The following LRRC9 variants were observed in gnomAD, a reference collection of about 807,000 sequenced individuals.
LRRC9 encodes the protein leucine-rich repeat-containing protein 9.
Under a neutral mutation model 63.2 loss-of-function variants are expected in LRRC9, and 122 were observed. The observed-to-expected ratio is 1.93, with a 90% CI of 1.67 to 2.24. LRRC9 has a LOEUF of 2.24. LRRC9 is among the 30% of genes most tolerant of loss of function. LRRC9 has a pLI of 0.00. For missense variants in LRRC9, 1,071 were observed against 627.7 expected (o/e 1.71, Z -7.55); for synonymous variants, 366 against 213.1 (o/e 1.72, Z -6.25).
In LRRC9 at chr14:59,978,148, T is replaced by C; in HGVS notation, c.1878+16T>C. On this transcript the variant is annotated intron_variant, in intron 15 of 31. Transcript: ENST00000445360. ...TATTACAATGGTATGAATTGTTACA[T>C]ATTCTTAAAGACTAATTCTAATTCC... 2 of 700,426 alleles carry C rather than the reference T, an allele frequency of 2.9e-6. No homozygotes were observed. Among genetic ancestry groups the C allele is most frequent in the Non-Finnish European group, 2.6e-6 (1 of 383,754 alleles). The allele number at this position is 700,426 out of a possible 1,614,324, so 43.4% of individuals were successfully genotyped here.
chr14:60,063,615 T>C, downstream of LRRC9: 1 of 397,126 alleles, frequency 2.5e-6, no homozygotes. Context: ...AATCATCAAC[T>C]ATTACATCAG....
At chr14:59,956,817 A>C (rs1883805161) in intron 8 of LRRC9, among the ~76,000 whole-genome samples, 1 of 152,078 alleles carries the variant, frequency 6.6e-6, no homozygotes, top group Admixed American at 6.6e-5. Context: ...CTTGTAAGGC[A>C]GGCCTGGTGG....
chr14:59,999,609 T>C (rs1374318934), intron 19 of LRRC9, among the ~76,000 whole-genome samples: 1 of 152,018 alleles, frequency 6.6e-6, no homozygotes, highest in Non-Finnish European at 1.5e-5. Context: ...ATTAACATTA[T>C]ATTTGTTTGG....
chr14:60,047,342 C>T (rs1214336754), intron 29 of LRRC9, among the ~76,000 whole-genome samples: 3 of 151,998 alleles, frequency 2.0e-5, no homozygotes, highest in Non-Finnish European at 2.9e-5. Flanking sequence ...GACATGACAA[C>T]TTGTCTTATG....
rs1890149197 is a variant in LRRC9 at position 59,936,460 on chromosome 14, C to G, written c.544-1930C>G. 6.6e-6 allele frequency among the ~76,000 whole-genome samples: 1 copy of G among 152,036 alleles called. No individual in the cohort carries two copies. The highest frequency in any genetic ancestry group is 2.4e-5 in the African/African-American group (1 of 41,400). ...TTCTGTGCCCACCTTCCAACCATAC[C>G]AGGCACCAGAGCACTAATTTTCAGT... On this transcript the variant is annotated intron_variant, in intron 6 of 31. Transcript: ENST00000445360. The surrounding 1 kb of genome is among the most constrained non-coding windows in gnomAD (Gnocchi z 4.2).
At chr14:60,023,031 T>G (rs1891235674) in intron 27 of LRRC9, among the ~76,000 whole-genome samples, 161 bp downstream of exon 27, 1 of 151,994 alleles carries the variant, frequency 6.6e-6, no homozygotes, top group African/African-American at 2.4e-5. Flanking sequence ...TTACTTACAT[T>G]TTTTAGAAAC....
chr14:59,935,552 G>A (rs773654710), intron 6 of LRRC9, among the ~76,000 whole-genome samples: 29 of 152,148 alleles, frequency 1.9e-4, no homozygotes, highest in Non-Finnish European at 3.2e-4. Flanking sequence ...AATGTGAAAT[G>A]TGCATAAAGC....
intron 17 of LRRC9, among the ~76,000 whole-genome samples, chr14:59,988,220 T>C (rs902041683): frequency 2.0e-5 from 3 of 152,192 alleles, no homozygotes; most frequent in African/African-American, 7.2e-5. Context: ...GAAACCTTAG[T>C]TTCTTTTAGA....
chr14:59,999,772 T>G (rs909863796), intron 19 of LRRC9, among the ~76,000 whole-genome samples: 11 of 152,116 alleles, frequency 7.2e-5, no homozygotes, highest in African/African-American at 2.7e-4. Context: ...TATCTGAATA[T>G]TAATTCCTTA....
intron 17 of LRRC9, among the ~76,000 whole-genome samples, chr14:59,993,164 C>T (rs1888351181): frequency 6.6e-6 from 1 of 152,164 alleles, no homozygotes. Context: ...ATTCAACATT[C>T]TTAAAGAAAA....
intron 29 of LRRC9, among the ~76,000 whole-genome samples, chr14:60,035,383 GT>G (rs1249000680): frequency 6.6e-6 from 1 of 152,034 alleles, no homozygotes; most frequent in African/African-American, 2.4e-5. Context: ...TTTTGCTTTG[GT>G]TGCCTGTGCT....
At chr14:60,049,894 A>T (rs1214244503) in intron 29 of LRRC9, among the ~76,000 whole-genome samples, 1 of 152,170 alleles carries the variant, frequency 6.6e-6, no homozygotes, top group African/African-American at 2.4e-5. Flanking sequence ...AGGTACCCCA[A>T]TCAGTCATAG....
At chr14:60,038,607 CATTG>C (rs1892662443) in intron 29 of LRRC9, among the ~76,000 whole-genome samples, 1 of 152,156 alleles carries the variant, frequency 6.6e-6, no homozygotes, top group African/African-American at 2.4e-5. Flanking sequence ...AATTTTTGCA[CATTG>C]ATTTTGTATC....
chr14:59,965,123 A>T (rs1884702478), intron 10 of LRRC9, among the ~76,000 whole-genome samples: 1 of 152,118 alleles, frequency 6.6e-6, no homozygotes. Context: ...TCCTTCTCAA[A>T]ATGATCCGTT....
At position 60,057,254 on chromosome 14, in the gene LRRC9, T is replaced by A. The variant is rs989828876; in HGVS notation, c.4132-624T>A. ...CTAGGGGAAGCAAGAGTCCCCTTCC[T>A]AAAATATTTTTCTCCTCTATTTGCT... On this transcript the variant is annotated intron_variant, in intron 30 of 31. Coordinates refer to ENST00000445360, the Ensembl canonical transcript of LRRC9. 3.3e-5 allele frequency among the ~76,000 whole-genome samples: 5 copies of A among 152,298 alleles called. 1 individual carries two copies. The highest frequency in any genetic ancestry group is 3.3e-4 in the Admixed American group (5 of 15,298).
chr14:59,974,273 G>A (rs528093219), intron 12 of LRRC9, among the ~76,000 whole-genome samples: 7 of 152,040 alleles, frequency 4.6e-5, no homozygotes, highest in Non-Finnish European at 8.8e-5. Flanking sequence ...TACTAGTGGA[G>A]TACTCATTGA....
intron 23 of LRRC9, among the ~76,000 whole-genome samples, chr14:60,015,818 A>G (rs1013791965): frequency 6.6e-6 from 1 of 152,148 alleles, no homozygotes; most frequent in Non-Finnish European, 1.5e-5. Flanking sequence ...CCCACTCAGC[A>G]GGTGGATGAT....
intron 1 of LRRC9, among the ~76,000 whole-genome samples, chr14:59,921,943 G>T (rs542035276): frequency 6.6e-6 from 1 of 152,050 alleles, no homozygotes; most frequent in Non-Finnish European, 1.5e-5. Flanking sequence ...AATTAGCCGG[G>T]TGTGATGGCA....
rs1312291617 is a variant in LRRC9 at position 59,942,947 on chromosome 14, AC to A, written c.727-1640del. ...AAATGTCTATGCAGTTCCTTTGCCC[AC>A]CTTTTGGTTGGATTATTTGTGTGTG... On this transcript the variant is annotated intron_variant, in intron 7 of 31. Coordinates refer to ENST00000445360, the Ensembl canonical transcript of LRRC9. This position sits in a 1 kb window ranked among gnomAD's most constrained non-coding sequence, Gnocchi z 5.3. 4.0e-5 allele frequency among the ~76,000 whole-genome samples: 6 copies of A among 151,662 alleles called. No homozygotes were observed. In the South Asian group the frequency reaches 8.3e-4, roughly 21 times the overall value.
Sources: gnomAD v4.1 joint callset for allele counts (sites outside exome capture counted in the v4.1 genomes callset) on GRCh38, gnomAD v4.1.1 for gene constraint, Gnocchi (gnomAD v3.1) non-coding constraint, MANE v1.5 for transcripts, NCBI Gene and HGNC (gene_info 2026-07-23, HGNC 2026-07-21) for gene names.